Variants in ZNF831 observed in about 807,000 individuals in gnomAD.
ZNF831 encodes the protein zinc finger protein 831, also known as chromosome 20 open reading frame 174.
ZNF831 carries 59 observed loss-of-function variants against 95.8 expected under a neutral mutation model. The ratio of observed to expected loss-of-function variants is 0.62; its 90% CI spans 0.50 to 0.77. ZNF831 has a LOEUF of 0.77. Ranked by LOEUF, ZNF831 falls within the 30% of genes least tolerant of loss-of-function variation. The pLI, the probability that ZNF831 is intolerant of heterozygous loss-of-function variation, is 0.00. For synonymous variants in ZNF831, 961 were observed against 925.5 expected (o/e 1.04, Z -0.70); for missense variants, 2,205 against 2,164.0 (o/e 1.02, Z -0.38).
intron 4 of ZNF831, among the ~76,000 whole-genome samples, chr20:59,234,548 C>G (rs367626720): frequency 6.6e-6 from 1 of 152,142 alleles, no homozygotes; most frequent in Admixed American, 6.5e-5. Context: ...GATACCCTGA[C>G]GGTAACATCC....
chr20:59,228,828 A>G (rs998108776), intron 4 of ZNF831, among the ~76,000 whole-genome samples: 6 of 152,202 alleles, frequency 3.9e-5, no homozygotes, highest in African/African-American at 1.4e-4. Context: ...AACATTATAA[A>G]TCTTCTAGCT....
chr20:59,249,735 C>T (rs1440984161), intron 4 of ZNF831, among the ~76,000 whole-genome samples: 1 of 152,168 alleles, frequency 6.6e-6, no homozygotes, highest in Non-Finnish European at 1.5e-5. Context: ...AGGATTAGCA[C>T]ACTTGGTAAT....
At chr20:59,237,223 T>C (rs1035888525) in intron 4 of ZNF831, among the ~76,000 whole-genome samples, 4 of 152,198 alleles carry the variant, frequency 2.6e-5, no homozygotes, top group African/African-American at 9.6e-5. Context: ...GATGGACTAA[T>C]GATTTTTCAA....
rs540595756 is a variant in ZNF831, at chr20:59,196,752, G to C, written c.3875+747G>C. Among the ~76,000 whole-genome samples, 12 of 152,116 alleles carry C rather than the reference G, an allele frequency of 7.9e-5. No individual in the cohort carries two copies. The East Asian group carries it at 2.1e-3, about 27-fold the overall frequency. ...TACTCCACACCTCAGTTGTCAACCT[G>C]TCAACATTCTCCCCCAGACTGTCAG... On this transcript the variant is annotated intron_variant, in intron 3 of 5. Coordinates refer to ENST00000371030, the MANE Select transcript of ZNF831 (RefSeq NM_178457.3).
intron 2 of ZNF831, among the ~76,000 whole-genome samples, chr20:59,149,220 C>T (rs1249544954): frequency 6.6e-6 from 1 of 152,192 alleles, no homozygotes. Flanking sequence ...GTGCTCAAAA[C>T]CTAGACTCCC....
chr20:59,174,191 G>A (rs1472915748), intron 1 of ZNF831, among the ~76,000 whole-genome samples: 1 of 152,118 alleles, frequency 6.6e-6, no homozygotes, highest in Non-Finnish European at 1.5e-5. Context: ...CGGCCACTGT[G>A]TGTGGACTCC....
chr20:59,192,846 G>C lies in ZNF831; in HGVS notation c.1827G>C (p.Gln609His), dbSNP rs1417808163. The C allele has an allele frequency of 6.2e-7, 1 of 1,605,132 alleles. No individual in the cohort carries two copies. Among genetic ancestry groups the C allele is most frequent in the Non-Finnish European group, 8.5e-7 (1 of 1,176,044 alleles). ...KGRAGGRKCG[Q>H]RRLKMFSQEK... ...GAGCGGGCGGCAGGAAGTGCGGCCA[G>C]AGAAGGCTGAAGATGTTCTCCCAGG... The change falls in exon 2 of 6, where the codon CAG (glutamine) becomes CAC (histidine). Residue 609 changes from glutamine to histidine, a missense_variant. Gln to His is a conservative substitution (Grantham distance 24). Transcript: ENST00000371030. The surrounding 1 kb of genome is among the most constrained non-coding windows in gnomAD (Gnocchi z 5.2).
chr20:59,137,827 A>G (rs1191504238), intron 1 of ZNF831, among the ~76,000 whole-genome samples: 2 of 152,166 alleles, frequency 1.3e-5, no homozygotes, highest in East Asian at 3.9e-4. Context: ...CCTGTGTCAC[A>G]TCCTAAGCCC....
At chr20:59,144,703 A>G (rs1601294003) in intron 1 of ZNF831, among the ~76,000 whole-genome samples, 1 of 152,078 alleles carries the variant, frequency 6.6e-6, no homozygotes. Flanking sequence ...CAGCAGAGGC[A>G]CCATTCTTTC....
Position 59,219,721 on chromosome 20 carries a change from C to T in ZNF831, c.4027+12665C>T, listed in dbSNP as rs185544495. 1.1e-4 allele frequency among the ~76,000 whole-genome samples: 16 copies of T among 152,260 alleles called. No homozygotes were observed. The East Asian group carries it at 2.9e-3, about 28-fold the overall frequency. Reference sequence around the variant, plus strand: ...TCCCTCGATCATAAAGAATTTTTGCCATATACTCTAAACTGCTGGGAATGG... The same window carrying T: ...TCCCTCGATCATAAAGAATTTTTGCTATATACTCTAAACTGCTGGGAATGG... On this transcript the variant is annotated intron_variant, in intron 4 of 5. Transcript: ENST00000371030.
intron 1 of ZNF831, among the ~76,000 whole-genome samples, chr20:59,188,080 A>T (rs919553453): frequency 6.6e-6 from 1 of 152,086 alleles, no homozygotes; most frequent in African/African-American, 2.4e-5. Context: ...CTCTCTTTTG[A>T]CTATTTTGAA....
chr20:59,218,756 G>T (rs1440961015), intron 4 of ZNF831, among the ~76,000 whole-genome samples: 1 of 152,006 alleles, frequency 6.6e-6, no homozygotes, highest in Non-Finnish European at 1.5e-5. Flanking sequence ...CCATCTTTTT[G>T]CTACAGCCAT....
At chr20:59,196,796 G>A (rs1412368530) in intron 3 of ZNF831, among the ~76,000 whole-genome samples, 1 of 151,518 alleles carries the variant, frequency 6.6e-6, no homozygotes, top group Non-Finnish European at 1.5e-5. Context: ...TTTCTTTTTT[G>A]AGACTGAGTC....
At chr20:59,200,285 T>A (rs1038597485) in intron 3 of ZNF831, among the ~76,000 whole-genome samples, 2 of 152,230 alleles carry the variant, frequency 1.3e-5, no homozygotes, top group African/African-American at 4.8e-5. Flanking sequence ...ATATTGCCTC[T>A]GTCCTGTTCC....
chr20:59,210,145 A>C (rs1985192659), intron 4 of ZNF831, among the ~76,000 whole-genome samples: 1 of 152,232 alleles, frequency 6.6e-6, no homozygotes, highest in African/African-American at 2.4e-5. Flanking sequence ...CTCAGTGCAC[A>C]ATAATGCACA....
At position 59,194,487 on chromosome 20, in the gene ZNF831, A is replaced by G. The variant is rs1189862087; in HGVS notation, c.3468A>G (p.Ser1156=). The G allele has an allele frequency of 6.2e-7, 1 of 1,612,432 alleles. No individual in the cohort carries two copies. Among genetic ancestry groups the G allele is most frequent in the South Asian group, 1.1e-5 (1 of 90,860 alleles). ...GWPELALSSH[S]GTSRSHSTRS... ...CAGAGCTGGCCTTGTCTTCCCACTCAGGGACGTCCCGGAGCCACAGCACCC... is the reference window on the plus strand; with the variant it reads ...CAGAGCTGGCCTTGTCTTCCCACTCGGGGACGTCCCGGAGCCACAGCACCC... The change falls in exon 2 of 6, where the codon TCA becomes TCG. Residue 1156 remains serine (S), a synonymous_variant. Coordinates refer to ENST00000371030, the MANE Select transcript of ZNF831 (RefSeq NM_178457.3).
At chr20:59,136,923 T>C (rs985227381) in intron 1 of ZNF831, among the ~76,000 whole-genome samples, 3 of 152,322 alleles carry the variant, frequency 2.0e-5, no homozygotes, top group Non-Finnish European at 4.4e-5. Flanking sequence ...GAAAGAGTTA[T>C]GCAGTTTTCA....
intron 4 of ZNF831, among the ~76,000 whole-genome samples, chr20:59,245,533 G>A (rs889849517): frequency 1.5e-4 from 23 of 152,356 alleles, no homozygotes; most frequent in African/African-American, 4.8e-4. Context: ...ATTTGTTGCA[G>A]TGTGGGATGT....
In ZNF831 at chr20:59,208,438, G is replaced by A. The variant is rs1985058613; in HGVS notation, c.4027+1382G>A. On this transcript the variant is annotated intron_variant, in intron 4 of 5. Transcript: ENST00000371030. This position sits in a 1 kb window ranked among gnomAD's most constrained non-coding sequence, Gnocchi z 4.2. ...GGGCCGTCCTGTGACAGGCACAGGT[G>A]CCATCGATATCACCTCTGTGCTCTC... Among the ~76,000 whole-genome samples the A allele has an allele frequency of 6.6e-6, 1 of 152,224 alleles. No individual in the cohort carries two copies. The highest frequency in any genetic ancestry group is 2.4e-5 in the African/African-American group (1 of 41,466).
Sources: gnomAD v4.1 joint callset for allele counts (sites outside exome capture counted in the v4.1 genomes callset) on GRCh38, gnomAD v4.1.1 for gene constraint, Gnocchi (gnomAD v3.1) non-coding constraint, MANE v1.5 for transcripts, NCBI Gene and HGNC (gene_info 2026-07-23, HGNC 2026-07-21) for gene names.